EMC2: variants seen among roughly 807,000 people sequenced by gnomAD.
The protein encoded by EMC2 is TPR repeat protein 35.
A neutral mutation model predicts 51.6 loss-of-function variants in EMC2; 37 were observed. The ratio of observed to expected loss-of-function variants is 0.72; its 90% confidence interval spans 0.55 to 0.94. The LOEUF (loss-of-function observed/expected upper bound fraction) is 0.94. Ranked by LOEUF, EMC2 falls within the 40% of genes least tolerant of loss-of-function variation. The pLI is 0.00. For missense variants in EMC2, 359 were observed against 350.9 expected, an observed-to-expected ratio of 1.02 and a Z score of -0.18; for synonymous variants, 131 against 112.4, an observed-to-expected ratio of 1.17 and a Z score of -1.04.
rs764335332 is a variant in EMC2 at position 108,449,804 on chromosome 8, G to A, written c.41-19G>A. The A allele has an allele frequency of 1.3e-5, 15 of 1,155,118 alleles. No homozygotes were observed. Among genetic ancestry groups the A allele is most frequent in the African/African-American group, 3.1e-5 (2 of 65,430 alleles). 71.6% of individuals were successfully genotyped at this position (1,155,118 alleles called of 1,614,324 possible). A position where few individuals can be genotyped will look rare whatever the true frequency, so the allele number is the denominator to read the frequency against. On this transcript the variant is annotated intron_variant, in intron 1 of 10. Coordinates refer to ENST00000220853, the MANE Select transcript of EMC2 (RefSeq NM_014673.5). ...TGTCTGGGTACATATACACTTAAATGTCATGTTATTTTTTTCAGAAATGAG... is the reference window on the plus strand; with the variant it reads ...TGTCTGGGTACATATACACTTAAATATCATGTTATTTTTTTCAGAAATGAG...
intron 5 of EMC2, among the ~76,000 whole-genome samples, chr8:108,464,862 A>T (rs1819430465): frequency 6.6e-6 from 1 of 152,214 alleles, no homozygotes; most frequent in Non-Finnish European, 1.5e-5. Flanking sequence ...CTTGCTCCAG[A>T]AGATGCTTTT....
At chr8:108,447,627 C>T (rs1030924096) in intron 1 of EMC2, among the ~76,000 whole-genome samples, 2 of 152,106 alleles carry the variant, frequency 1.3e-5, no homozygotes, top group Non-Finnish European at 2.9e-5. Flanking sequence ...TCAGAGGCCA[C>T]CTCACTGCAG....
chr8:108,447,768 G>T (rs1410875849), intron 1 of EMC2, among the ~76,000 whole-genome samples: 1 of 152,110 alleles, frequency 6.6e-6, no homozygotes, highest in Admixed American at 6.5e-5. Flanking sequence ...GCAGTGAGAA[G>T]CTTACTTACA....
intron 7 of EMC2, among the ~76,000 whole-genome samples, chr8:108,473,257 G>A (rs1457660136): frequency 6.6e-6 from 1 of 151,780 alleles, no homozygotes; most frequent in Non-Finnish European, 1.5e-5. Flanking sequence ...TAATTTTTTT[G>A]TGTCAGCACT....
At chr8:108,453,917 TAAG>T (rs1226004530) in intron 4 of EMC2, among the ~76,000 whole-genome samples, 7 of 152,148 alleles carry the variant, frequency 4.6e-5, no homozygotes, top group African/African-American at 1.7e-4. Context: ...CACATAATAA[TAAG>T]GATTGTTGTG....
Position 108,487,988 on chromosome 8 carries a change from A to G in EMC2, c.*1390A>G, listed in dbSNP as rs747691. On this transcript the variant is annotated 3_prime_UTR_variant, in exon 11 of 11. Transcript: ENST00000220853. ...TGAAATTAGTAACTGCATTTTCAAC[A>G]TGATGAACCATTTGAAATTTACATT... 0.24 allele frequency among the ~76,000 whole-genome samples: 36,119 copies of G among 152,036 alleles called. 4,530 individuals are homozygous for G. The highest frequency in any genetic ancestry group is 0.29 in the South Asian group (1,421 of 4,822).
chr8:108,444,248 T>C (rs1204496427), intron 1 of EMC2, among the ~76,000 whole-genome samples: 1 of 152,172 alleles, frequency 6.6e-6, no homozygotes, highest in Admixed American at 6.5e-5. Flanking sequence ...TCTGTCCCAC[T>C]CCTTCTCAAA....
Position 108,450,607 on chromosome 8 carries a change from C to G in EMC2, c.219+115C>G, listed in dbSNP as rs139686782. On this transcript the variant is annotated intron_variant, in intron 3 of 10. Coordinates refer to ENST00000220853, the MANE Select transcript of EMC2 (RefSeq NM_014673.5). ...TCAATAGCTAGTTTTGAGTGCTACT[C>G]TGAACAGTAAGTGGAACTAACTAGA... The G allele has an allele frequency of 1.3e-4, 92 of 734,294 alleles. 1 individual carries two copies. Among genetic ancestry groups the G allele is most frequent in the Non-Finnish European group, 2.5e-6 (1 of 399,796 alleles). The allele number at this position is 734,294 out of a possible 1,614,324, so 45.5% of individuals were successfully genotyped here.
rs1429600556 is a variant in EMC2, at chr8:108,460,272, A to C, written c.363+4342A>C. ...TTTTAATAAGTTATTTCACTTCTTC[A>C]GACTATAAGATAATATGTGATTAAT... is the stretch of plus-strand genomic sequence containing the variant. On this transcript the variant is annotated intron_variant, in intron 5 of 10. Coordinates refer to ENST00000220853, the MANE Select transcript of EMC2 (RefSeq NM_014673.5). Among the ~76,000 whole-genome samples, 4 of 152,230 alleles carry C rather than the reference A, an allele frequency of 2.6e-5. No homozygotes were observed. The East Asian group carries it at 7.7e-4, about 29-fold the overall frequency.
intron 1 of EMC2, among the ~76,000 whole-genome samples, chr8:108,447,301 T>A (rs1331891940): frequency 6.7e-6 from 1 of 150,252 alleles, no homozygotes; most frequent in Non-Finnish European, 1.5e-5. Context: ...GAAAAATACG[T>A]CTTCTGGAGC....
rs373070846 is a variant in EMC2, at chr8:108,488,331, T to C, written c.*1733T>C. Among the ~76,000 whole-genome samples the C allele has an allele frequency of 3.9e-5, 6 of 152,076 alleles. No individual in the cohort carries two copies. Among genetic ancestry groups the C allele is most frequent in the African/African-American group, 9.7e-5 (4 of 41,428 alleles). On this transcript the variant is annotated 3_prime_UTR_variant, in exon 11 of 11. Coordinates refer to ENST00000220853, the MANE Select transcript of EMC2 (RefSeq NM_014673.5). ...ATGTGCCACCATGCCTGGCTAATTTTGTATTTTTAGTAGAGATGGGGTTTC... is the reference window on the plus strand; with the variant it reads ...ATGTGCCACCATGCCTGGCTAATTTCGTATTTTTAGTAGAGATGGGGTTTC...
intron 9 of EMC2, among the ~76,000 whole-genome samples, chr8:108,478,665 G>A (rs1810989276): frequency 1.3e-5 from 2 of 151,870 alleles, no homozygotes; most frequent in Admixed American, 1.3e-4. Flanking sequence ...ATATCCTACA[G>A]TGGTAAAGTG....
rs1554620241 is a variant in EMC2 at position 108,486,505 on chromosome 8, T to TTA, written c.808-7_808-6insTA. 5.1e-6 allele frequency: 8 copies of TTA among 1,555,070 alleles called. No homozygotes were observed. Among genetic ancestry groups the TTA allele is most frequent in the African/African-American group, 2.8e-5 (2 of 71,006 alleles). ...TAATTGAGCTTTTTTTTTTTTTTTT[T>TTA]AATTAGTTTGCAGGTCGAAGTAAGA... is the stretch of plus-strand genomic sequence containing the variant. On this transcript the variant is annotated splice_polypyrimidine_tract_variant and splice_region_variant and intron_variant, in intron 10 of 10. Transcript: ENST00000220853.
At position 108,457,346 on chromosome 8, in the gene EMC2, G is replaced by C. The variant is rs902924906; in HGVS notation, c.363+1416G>C. ...CGTGTGTGTGCGTGTGTGTGTGTGT[G>C]TGTGTGTGTGTGTGTGTGTGTGTGT... is the stretch of plus-strand genomic sequence containing the variant. On this transcript the variant is annotated intron_variant, in intron 5 of 10. Transcript: ENST00000220853. Among the ~76,000 whole-genome samples, 3 of 148,022 alleles carry C rather than the reference G, an allele frequency of 2.0e-5. No individual in the cohort carries two copies. In the Admixed American group the frequency reaches 2.0e-4, roughly 10 times the overall value.
chr8:108,459,345 G>C (rs2199897), intron 5 of EMC2, among the ~76,000 whole-genome samples: 103,953 of 151,948 alleles, frequency 0.68, 36,131 homozygotes, highest in African/African-American at 0.81. Context: ...TACTGTGTTA[G>C]TCGGTTTTCA....
chr8:108,471,017 C>G (rs1810845716), intron 7 of EMC2: 1 of 151,828 alleles, frequency 6.6e-6, no homozygotes, highest in South Asian at 2.1e-4. Flanking sequence ...TTGCATAAGT[C>G]TAAGGAAAGT....
chr8:108,455,060 CTATT>C (rs1015900094), intron 4 of EMC2, among the ~76,000 whole-genome samples: 43 of 150,896 alleles, frequency 2.8e-4, no homozygotes, highest in African/African-American at 1.0e-3. Context: ...AGATTTTTTG[CTATT>C]TATTCTGCTT....
chr8:108,451,063 C>T lies in EMC2; in HGVS notation c.219+571C>T, dbSNP rs575387074. ...GTAAAGATACAAAAAATCAGCCAGG[C>T]GTGGTGGAGCGTGCCTCTAGTCCCA... is the stretch of plus-strand genomic sequence containing the variant. On this transcript the variant is annotated intron_variant, in intron 3 of 10. Coordinates refer to ENST00000220853, the MANE Select transcript of EMC2 (RefSeq NM_014673.5). Among the ~76,000 whole-genome samples, 12 of 152,154 alleles carry T rather than the reference C, an allele frequency of 7.9e-5. No individual in the cohort carries two copies. The East Asian group carries it at 1.5e-3, about 20-fold the overall frequency.
chr8:108,482,916 T>C (rs1388075107), intron 10 of EMC2, among the ~76,000 whole-genome samples: 1 of 152,022 alleles, frequency 6.6e-6, no homozygotes, highest in Non-Finnish European at 1.5e-5. Flanking sequence ...TGATGTGAAA[T>C]AGGGGGTCCA....
Sources: allele counts gnomAD v4.1 joint callset (sites outside exome capture counted in the v4.1 genomes callset), GRCh38; gene constraint gnomAD v4.1.1; transcripts MANE v1.5; gene names NCBI Gene and HGNC (gene_info 2026-07-23, HGNC 2026-07-21).